The following PDE4D variants were observed in gnomAD, a reference collection of about 807,000 sequenced individuals.
PDE4D encodes the protein phosphodiesterase 4D, also known as 3',5'-cyclic-AMP phosphodiesterase 4D.
A neutral mutation model predicts 87.4 loss-of-function variants in PDE4D; 24 were observed. That is an observed-to-expected ratio of 0.27 (90% confidence interval 0.20 to 0.39). The LOEUF (loss-of-function observed/expected upper bound fraction) is 0.39. PDE4D is among the 10% of genes least tolerant of loss of function. The pLI is 1.00. For synonymous variants in PDE4D, 384 were observed against 383.2 expected, an observed-to-expected ratio of 1.00 and a Z score of -0.02; for missense variants, 714 against 1,041.0, an observed-to-expected ratio of 0.69 and a Z score of 4.32.
chr5:60,233,765 C>G (rs908972643), intron 1 of PDE4D, among the ~76,000 whole-genome samples: 2 of 151,608 alleles, frequency 1.3e-5, no homozygotes, highest in African/African-American at 4.8e-5. Flanking sequence ...AAAGATGACA[C>G]CATGATAAAG....
chr5:60,103,116 T>C (rs1475680105), intron 2 of PDE4D, among the ~76,000 whole-genome samples: 1 of 151,934 alleles, frequency 6.6e-6, no homozygotes, highest in Non-Finnish European at 1.5e-5. Context: ...TGCAGGGAGG[T>C]ACCATGACTA....
intron 2 of PDE4D, among the ~76,000 whole-genome samples, chr5:60,086,776 C>T (rs147335797): frequency 6.6e-6 from 1 of 152,338 alleles, no homozygotes; most frequent in African/African-American, 2.4e-5. Context: ...ATATGGGAAC[C>T]ATTGGGTATC....
intron 1 of PDE4D, among the ~76,000 whole-genome samples, chr5:60,413,716 T>G (rs74510551): frequency 8.8e-6 from 1 of 113,938 alleles, no homozygotes; most frequent in East Asian, 5.4e-4. Context: ...TTTTCGTTTA[T>G]TTTTTTTTTT....
At chr5:60,424,841 G>C (rs1285208647) in intron 1 of PDE4D, among the ~76,000 whole-genome samples, 1 of 152,160 alleles carries the variant, frequency 6.6e-6, no homozygotes, top group Non-Finnish European at 1.5e-5. Flanking sequence ...GAAGTCTCAG[G>C]ATACAAAATC....
chr5:60,091,012 T>A (rs1192943808), intron 2 of PDE4D, among the ~76,000 whole-genome samples: 1 of 152,098 alleles, frequency 6.6e-6, no homozygotes, highest in Non-Finnish European at 1.5e-5. Flanking sequence ...TATAAAACAC[T>A]GTTGAAAATA....
At chr5:59,473,349 CAAT>C (rs1373296697) in intron 1 of PDE4D, among the ~76,000 whole-genome samples, 4 of 151,978 alleles carry the variant, frequency 2.6e-5, no homozygotes, top group African/African-American at 9.7e-5. Flanking sequence ...CACATTATTA[CAAT>C]AATGTTTACA....
intron 2 of PDE4D, among the ~76,000 whole-genome samples, chr5:60,030,514 A>G (rs1355029984): frequency 6.6e-6 from 1 of 152,230 alleles, no homozygotes; most frequent in South Asian, 2.1e-4. Flanking sequence ...TGATCAGTAG[A>G]GCTGAAAGCA....
intron 3 of PDE4D, among the ~76,000 whole-genome samples, chr5:59,944,487 C>T (rs1205945002): frequency 2.0e-5 from 3 of 152,196 alleles, no homozygotes; most frequent in Non-Finnish European, 4.4e-5. Flanking sequence ...ATTCTCCTGC[C>T]TCACCTCCCG....
intron 5 of PDE4D, among the ~76,000 whole-genome samples, chr5:59,095,404 A>G (rs1769516288): frequency 1.3e-5 from 2 of 151,976 alleles, no homozygotes; most frequent in South Asian, 4.2e-4. Context: ...ATTCTTTTAC[A>G]AAGGATATGG....
chr5:60,015,890 T>C (rs1344507182), intron 2 of PDE4D, among the ~76,000 whole-genome samples: 1 of 128,774 alleles, frequency 7.8e-6, no homozygotes, highest in Non-Finnish European at 1.6e-5. Flanking sequence ...GAACCAATTC[T>C]TTTTTTTTTT....
chr5:58,991,646 A>G (rs142936486), intron 8 of PDE4D, among the ~76,000 whole-genome samples, 186 bp downstream of exon 8: 34 of 152,184 alleles, frequency 2.2e-4, no homozygotes, highest in South Asian at 1.7e-3. Context: ...AACCCCTAAA[A>G]CATACCAAAC....
intron 5 of PDE4D, among the ~76,000 whole-genome samples, chr5:59,042,800 A>G (rs1162577928): frequency 1.3e-5 from 2 of 152,198 alleles, no homozygotes; most frequent in Non-Finnish European, 2.9e-5. Context: ...CTTGCGGGCC[A>G]GCACTTGGCT....
At chr5:59,360,269 C>G (rs750640272) in intron 1 of PDE4D, among the ~76,000 whole-genome samples, 1 of 152,106 alleles carries the variant, frequency 6.6e-6, no homozygotes, top group Non-Finnish European at 1.5e-5. Flanking sequence ...GAGGGTTGAG[C>G]TGAACTTCAG....
intron 1 of PDE4D, among the ~76,000 whole-genome samples, chr5:60,401,970 A>C (rs775589137): frequency 1.2e-4 from 19 of 152,214 alleles, no homozygotes; most frequent in Admixed American, 2.6e-4. Flanking sequence ...GTGAATACCC[A>C]AAAATGGGAA....
At chr5:59,080,597 A>G (rs1029502625) in intron 5 of PDE4D, among the ~76,000 whole-genome samples, 1 of 152,194 alleles carries the variant, frequency 6.6e-6, no homozygotes, top group African/African-American at 2.4e-5. Flanking sequence ...GTATCAGCTG[A>G]AAAGGGTGGC....
chr5:59,127,858 C>G (rs1286935544), intron 5 of PDE4D, among the ~76,000 whole-genome samples: 2 of 152,106 alleles, frequency 1.3e-5, no homozygotes, highest in Non-Finnish European at 2.9e-5. Flanking sequence ...ACTCCCCGTT[C>G]CTAATCAGCG....
intron 2 of PDE4D, among the ~76,000 whole-genome samples, chr5:60,010,400 A>T (rs1165141021): frequency 6.6e-6 from 1 of 152,162 alleles, no homozygotes; most frequent in East Asian, 1.9e-4. Flanking sequence ...AAATTGATAA[A>T]TTAGGGGTAC....
At position 59,322,761 on chromosome 5, in the gene PDE4D, C is replaced by T. The variant is rs142356175; in HGVS notation, c.456-106793G>A. ...AGGCCTTACAAAGTATTGAACATTTCTACTTGCCACATTGGGAGTTGTAAA... is the reference window on the plus strand; with the variant it reads ...AGGCCTTACAAAGTATTGAACATTTTTACTTGCCACATTGGGAGTTGTAAA... On this transcript the variant is annotated intron_variant, in intron 1 of 14. Transcript: ENST00000340635. 2.6e-5 allele frequency among the ~76,000 whole-genome samples: 4 copies of T among 152,168 alleles called. No homozygotes were observed. In the East Asian group the frequency reaches 7.7e-4, roughly 29 times the overall value.
At chr5:59,533,566 A>G (rs1561142805) in intron 1 of PDE4D, among the ~76,000 whole-genome samples, 1 of 152,240 alleles carries the variant, frequency 6.6e-6, no homozygotes, top group Non-Finnish European at 1.5e-5. Context: ...TTTGGCGACA[A>G]CAAAGCTATT....
Sources: gnomAD v4.1 joint callset for allele counts (sites outside exome capture counted in the v4.1 genomes callset) on GRCh38, gnomAD v4.1.1 for gene constraint, MANE v1.5 for transcripts, NCBI Gene and HGNC (gene_info 2026-07-23, HGNC 2026-07-21) for gene names.